GLG1: variants seen among roughly 807,000 people sequenced by gnomAD.
The protein encoded by GLG1 is Golgi apparatus protein 1.
Under a neutral mutation model 160.5 loss-of-function variants are expected in GLG1, and 38 were observed. That is an observed-to-expected ratio of 0.24 (90% CI 0.18 to 0.31). GLG1 has a LOEUF of 0.31. Among genes scored for constraint, GLG1 ranks in the 10% least tolerant of loss-of-function variants. The pLI is 1.00. For synonymous variants in GLG1, 644 were observed against 543.4 expected (o/e 1.19, Z -2.57); for missense variants, 1,373 against 1,505.2 (o/e 0.91, Z 1.45).
intron 1 of GLG1, among the ~76,000 whole-genome samples, chr16:74,553,385 A>C (rs145730294): frequency 7.1e-3 from 1,081 of 151,458 alleles, no homozygotes; most frequent in Non-Finnish European, 0.011. Context: ...AAATTTGACT[A>C]TTCTGACAGA....
At chr16:74,532,363 G>A (rs992010481) in intron 1 of GLG1, among the ~76,000 whole-genome samples, 15 of 152,032 alleles carry the variant, frequency 9.9e-5, no homozygotes, top group Admixed American at 3.9e-4. Flanking sequence ...AAAGGTACAT[G>A]AGACTTAACC....
At chr16:74,471,053 G>A (rs1162202576) in intron 15 of GLG1, 120 bp downstream of exon 15, 1 of 714,190 alleles carries the variant, frequency 1.4e-6, no homozygotes, top group Non-Finnish European at 2.6e-6. Context: ...CACCACGCCT[G>A]GCTGGAAAAA....
At chr16:74,496,892 C>A (rs1399913832) in intron 4 of GLG1, among the ~76,000 whole-genome samples, 1 of 152,090 alleles carries the variant, frequency 6.6e-6, no homozygotes, top group African/African-American at 2.4e-5. Context: ...CAAATGGAAA[C>A]AGAGATCCTG....
intron 7 of GLG1, 61 bp from the exon 8 acceptor site, chr16:74,491,276 T>C: frequency 9.0e-7 from 1 of 1,110,986 alleles, no homozygotes; most frequent in Non-Finnish European, 1.4e-6. Context: ...GCATCAGAAA[T>C]CACCACCTAT....
At chr16:74,454,567 G>A (rs936994737) in intron 25 of GLG1, among the ~76,000 whole-genome samples, 1 of 146,794 alleles carries the variant, frequency 6.8e-6, no homozygotes, top group African/African-American at 2.5e-5. Flanking sequence ...TGGGGAGGCT[G>A]AGGCAGGATA....
chr16:74,528,577 C>T (rs2017416971), intron 2 of GLG1, among the ~76,000 whole-genome samples: 1 of 151,712 alleles, frequency 6.6e-6, no homozygotes, highest in African/African-American at 2.4e-5. Context: ...TTTGGCAAGT[C>T]GAGGCGGGTG....
At chr16:74,467,237 A>G (rs2015032613) in intron 18 of GLG1, among the ~76,000 whole-genome samples, 1 of 152,274 alleles carries the variant, frequency 6.6e-6, no homozygotes. Flanking sequence ...AATGCCCTTA[A>G]CTAGAAGAGG....
At chr16:74,481,573 G>A (rs1191690219) in intron 10 of GLG1, among the ~76,000 whole-genome samples, 1 of 152,118 alleles carries the variant, frequency 6.6e-6, no homozygotes, top group Non-Finnish European at 1.5e-5. Context: ...GTAAGCAAAG[G>A]GAAATTACAG....
chr16:74,472,326 T>C, intron 14 of GLG1, 23 bp downstream of exon 14: 1 of 1,570,150 alleles, frequency 6.4e-7, no homozygotes, highest in Non-Finnish European at 8.8e-7. Flanking sequence ...TTTTTAACCC[T>C]TGCTCCTCCA....
At chr16:74,554,977 C>G (rs1180991997) in intron 1 of GLG1, among the ~76,000 whole-genome samples, 1 of 152,212 alleles carries the variant, frequency 6.6e-6, no homozygotes, top group Non-Finnish European at 1.5e-5. Context: ...AATCTCACCA[C>G]TGCCCTCCAA....
chr16:74,575,692 G>A (rs764825813), intron 1 of GLG1, among the ~76,000 whole-genome samples: 3 of 152,028 alleles, frequency 2.0e-5, no homozygotes, highest in Admixed American at 6.5e-5. Context: ...TCTGCCTCCC[G>A]GATTCAAGCA....
rs554648057 is a variant in GLG1, at chr16:74,452,021, T to C, written c.*1146A>G. On this transcript the variant is annotated 3_prime_UTR_variant, in exon 26 of 26. Transcript: ENST00000422840. ...TCTCCACGTAGAGGCACAAAGGAGC[T>C]TGTCTGGGAAGTTTGTCTGGAGTGT... 2 of 1,464,688 alleles carry C rather than the reference T, an allele frequency of 1.4e-6. No individual in the cohort carries two copies. The highest frequency in any genetic ancestry group is 4.5e-5 in the East Asian group (2 of 44,162). The allele number at this position is 1,464,688 out of a possible 1,614,324, so 90.7% of individuals were successfully genotyped here. A position where few individuals can be genotyped will look rare whatever the true frequency, so the allele number is the denominator to read the frequency against.
At chr16:74,606,024 G>A (rs1182784619) in intron 1 of GLG1, among the ~76,000 whole-genome samples, 1 of 152,134 alleles carries the variant, frequency 6.6e-6, no homozygotes, top group East Asian at 1.9e-4. Flanking sequence ...CCTCAGAAAG[G>A]CAAGATCCCA....
chr16:74,578,793 C>T (rs993718972), intron 1 of GLG1, among the ~76,000 whole-genome samples: 1 of 152,184 alleles, frequency 6.6e-6, no homozygotes, highest in Non-Finnish European at 1.5e-5. Flanking sequence ...TTCCCCAATA[C>T]AATTAACATG....
At chr16:74,477,298 TAA>T in intron 12 of GLG1, 96 bp downstream of exon 12, 2 of 947,240 alleles carry the variant, frequency 2.1e-6, no homozygotes, top group African/African-American at 1.6e-5. Context: ...ATCTGTAAGG[TAA>T]AGAGAGATGG....
At chr16:74,483,203 T>C (rs2015669417) in intron 9 of GLG1, 79 bp from the exon 10 acceptor site, 3 of 828,846 alleles carry the variant, frequency 3.6e-6, no homozygotes, top group Non-Finnish European at 6.0e-6. Flanking sequence ...CCCTGGTCTG[T>C]AGAAGGCGGC....
intron 1 of GLG1, among the ~76,000 whole-genome samples, chr16:74,600,357 C>G (rs1958412488): frequency 1.3e-5 from 2 of 151,194 alleles, no homozygotes; most frequent in African/African-American, 4.9e-5. Context: ...CATGCCACTG[C>G]ACTCCAGCCA....
chr16:74,581,531 A>AT (rs1178656970), intron 1 of GLG1, among the ~76,000 whole-genome samples: 9 of 85,710 alleles, frequency 1.1e-4, no homozygotes, highest in African/African-American at 3.3e-4. Flanking sequence ...TCAATGTAAG[A>AT]TTTAAAAAAA....
chr16:74,579,055 C>T (rs550958342), intron 1 of GLG1, among the ~76,000 whole-genome samples: 1 of 152,154 alleles, frequency 6.6e-6, no homozygotes, highest in Non-Finnish European at 1.5e-5. Flanking sequence ...GTTGCAATAA[C>T]GTACACAAGC....
Sources: gnomAD v4.1 joint callset for allele counts (sites outside exome capture counted in the v4.1 genomes callset) on GRCh38, gnomAD v4.1.1 for gene constraint, MANE v1.5 for transcripts, NCBI Gene and HGNC (gene_info 2026-07-23, HGNC 2026-07-21) for gene names.